SPTLC3: variants seen among roughly 807,000 people sequenced by gnomAD.
SPTLC3 encodes serine palmitoyltransferase long chain base subunit 3.
A neutral mutation model predicts 59.3 loss-of-function variants in SPTLC3; 36 were observed. That is an observed-to-expected ratio of 0.61 (90% CI 0.47 to 0.80). SPTLC3 has a LOEUF of 0.80. Ranked by LOEUF, SPTLC3 falls within the 30% of genes least tolerant of loss-of-function variation. The pLI, the probability that SPTLC3 is intolerant of heterozygous loss-of-function variation, is 0.00. For synonymous variants in SPTLC3, 257 were observed against 240.8 expected, an observed-to-expected ratio of 1.07 and a Z score of -0.62; for missense variants, 625 against 685.1, an observed-to-expected ratio of 0.91 and a Z score of 0.98.
intron 6 of SPTLC3, among the ~76,000 whole-genome samples, chr20:13,104,003 T>C (rs143933732): frequency 1.8e-4 from 28 of 152,292 alleles, no homozygotes; most frequent in Admixed American, 1.7e-3. Context: ...CTTGCTATTA[T>C]TAGGGTTTTG....
At chr20:13,057,683 T>C (rs1987785821) in intron 2 of SPTLC3, among the ~76,000 whole-genome samples, 2 of 152,204 alleles carry the variant, frequency 1.3e-5, no homozygotes, top group South Asian at 4.1e-4. Context: ...CCACTAACAA[T>C]CAGTAGATCT....
At chr20:13,088,861 C>T (rs35953506) in intron 4 of SPTLC3, among the ~76,000 whole-genome samples, 23,704 of 145,472 alleles carry the variant, frequency 0.16, 1,999 homozygotes, top group Non-Finnish European at 0.19. Context: ...GAACTCCTGA[C>T]CTTAGGTAAT....
rs564541489 is a variant in SPTLC3, at chr20:13,142,243, C to A, written c.1280-11760C>A. On this transcript the variant is annotated intron_variant, in intron 9 of 11. Coordinates refer to ENST00000399002, the MANE Select transcript of SPTLC3 (RefSeq NM_018327.4). Reference sequence around the variant, plus strand: ...GCACTGGGGCAAAAGATAGTGCAGCCACTTCCTTCCAGCCGTCCCACAAAC... The same window carrying A: ...GCACTGGGGCAAAAGATAGTGCAGCAACTTCCTTCCAGCCGTCCCACAAAC... Among the ~76,000 whole-genome samples, 4 of 152,288 alleles carry A rather than the reference C, an allele frequency of 2.6e-5. No homozygotes were observed. The South Asian group carries it at 8.3e-4, about 32-fold the overall frequency.
Position 13,021,550 on chromosome 20 carries a change from C to CA in SPTLC3, c.117+12167dup, listed in dbSNP as rs1555786751. ...CCTCCCCCCACCACAACAGCCCCCC[C>CA]ACCAATCCCCCGCCACCATCCCCAC... On this transcript the variant is annotated intron_variant, in intron 1 of 11. Transcript: ENST00000399002. Among the ~76,000 whole-genome samples, 5 of 144,710 alleles carry CA rather than the reference C, an allele frequency of 3.5e-5. 1 individual carries two copies. The highest frequency in any genetic ancestry group is 1.4e-4 in the Admixed American group (2 of 14,350). 94.9% of individuals were successfully genotyped at this position (144,710 alleles called of 152,430 possible). A position where few individuals can be genotyped will look rare whatever the true frequency, so the allele number is the denominator to read the frequency against.
intron 1 of SPTLC3, among the ~76,000 whole-genome samples, chr20:13,040,891 G>T (rs1481927256): frequency 2.6e-5 from 4 of 151,696 alleles, no homozygotes; most frequent in African/African-American, 9.7e-5. Flanking sequence ...AAATATTTGT[G>T]CATTTTGAAT....
intron 4 of SPTLC3, among the ~76,000 whole-genome samples, chr20:13,080,746 C>T (rs1988815438): frequency 6.6e-6 from 1 of 151,990 alleles, no homozygotes; most frequent in Non-Finnish European, 1.5e-5. Flanking sequence ...TCAAAAGCAG[C>T]CATTTAACTT....
At chr20:13,116,578 A>G (rs1443066388) in intron 7 of SPTLC3, among the ~76,000 whole-genome samples, 1 of 151,992 alleles carries the variant, frequency 6.6e-6, no homozygotes, top group African/African-American at 2.4e-5. Context: ...TCCCAGGAGG[A>G]TCTTTGTTAA....
intron 2 of SPTLC3, among the ~76,000 whole-genome samples, chr20:13,060,414 T>TTATTTATC (rs1555790101): frequency 2.1e-5 from 3 of 144,064 alleles, no homozygotes; most frequent in Non-Finnish European, 4.6e-5. Context: ...ATTTATTTAT[T>TTATTTATC]TATCTGGGGG....
intron 1 of SPTLC3, among the ~76,000 whole-genome samples, chr20:13,047,644 G>C (rs6033593): frequency 1 from 151,585 of 152,238 alleles, 75,471 homozygotes; most frequent in Middle Eastern, 1. Flanking sequence ...AATCAATTGA[G>C]CAGATGTTGT....
chr20:13,031,667 A>G (rs766464183), intron 1 of SPTLC3, among the ~76,000 whole-genome samples: 1 of 152,090 alleles, frequency 6.6e-6, no homozygotes, highest in Non-Finnish European at 1.5e-5. Flanking sequence ...GTGCTGTAAG[A>G]CACTACCCAA....
chr20:13,070,844 G>A (rs243885), intron 2 of SPTLC3, among the ~76,000 whole-genome samples: 117,792 of 152,002 alleles, frequency 0.77, 46,611 homozygotes, highest in African/African-American at 0.94. Context: ...GTGACAGCGT[G>A]TGCATTATAT....
At chr20:13,075,656 A>G (rs2122579355) in intron 4 of SPTLC3, among the ~76,000 whole-genome samples, 1 of 152,318 alleles carries the variant, frequency 6.6e-6, no homozygotes, top group East Asian at 1.9e-4. Flanking sequence ...TACTCCACTT[A>G]GAAGGACTGG....
At chr20:13,102,911 C>T (rs1193347516) in intron 6 of SPTLC3, among the ~76,000 whole-genome samples, 1 of 152,134 alleles carries the variant, frequency 6.6e-6, no homozygotes, top group Non-Finnish European at 1.5e-5. Context: ...CTGCAATTAC[C>T]CCCTCCCCCT....
chr20:13,062,703 T>G (rs1003537940), intron 2 of SPTLC3, among the ~76,000 whole-genome samples: 2 of 152,240 alleles, frequency 1.3e-5, no homozygotes, highest in African/African-American at 4.8e-5. Flanking sequence ...GTACTTACTC[T>G]GTCCTTTATG....
chr20:13,064,483 C>T (rs1364241961), intron 2 of SPTLC3, among the ~76,000 whole-genome samples: 2 of 151,982 alleles, frequency 1.3e-5, no homozygotes, highest in Admixed American at 6.6e-5. Flanking sequence ...TTAGTATAGA[C>T]GAGGTTTCAC....
At chr20:13,071,287 TA>T (rs1261636741) in intron 2 of SPTLC3, among the ~76,000 whole-genome samples, 1 of 152,210 alleles carries the variant, frequency 6.6e-6, no homozygotes, top group Non-Finnish European at 1.5e-5. Flanking sequence ...CTGGTTTTAG[TA>T]ATGGTATTTC....
intron 9 of SPTLC3, 136 bp from the exon 10 acceptor site, chr20:13,153,867 C>A: frequency 8.6e-7 from 1 of 1,165,156 alleles, no homozygotes; most frequent in Non-Finnish European, 1.2e-6. Context: ...CAGGAGATAT[C>A]TCCCTTCCCT....
intron 9 of SPTLC3, among the ~76,000 whole-genome samples, chr20:13,134,501 T>C (rs6041890): frequency 0.56 from 84,530 of 151,962 alleles, 23,879 homozygotes; most frequent in African/African-American, 0.65. Flanking sequence ...GAGAGAGTGA[T>C]TACAAGGTCA....
chr20:13,114,590 T>C (rs533986591), intron 7 of SPTLC3, among the ~76,000 whole-genome samples: 19 of 152,368 alleles, frequency 1.2e-4, no homozygotes, highest in African/African-American at 4.3e-4. Context: ...GCTATTCTCC[T>C]ATGCTCAAAA....
Sources: allele counts gnomAD v4.1 joint callset (sites outside exome capture counted in the v4.1 genomes callset), GRCh38; gene constraint gnomAD v4.1.1; transcripts MANE v1.5; gene names NCBI Gene and HGNC (gene_info 2026-07-23, HGNC 2026-07-21).